The following PIK3C2A variants were observed in gnomAD, a reference collection of about 807,000 sequenced individuals.
PIK3C2A encodes phosphatidylinositol-4-phosphate 3-kinase catalytic subunit type 2 alpha.
Under a neutral mutation model 204.5 loss-of-function variants are expected in PIK3C2A, and 97 were observed. The observed-to-expected ratio is 0.47, with a 90% CI of 0.40 to 0.56. The LOEUF (loss-of-function observed/expected upper bound fraction) is 0.56. PIK3C2A is among the 20% of genes least tolerant of loss of function. The pLI is 0.00. For missense variants in PIK3C2A, 1,735 were observed against 1,969.2 expected (o/e 0.88, Z 2.25); for synonymous variants, 653 against 664.4 (o/e 0.98, Z 0.26).
chr11:17,132,044 A>C lies in PIK3C2A; in HGVS notation c.2109-6T>G. 1 of 1,482,342 alleles carries C rather than the reference A, an allele frequency of 6.7e-7. No homozygotes were observed. Among genetic ancestry groups the C allele is most frequent in the Non-Finnish European group, 9.2e-7 (1 of 1,085,726 alleles). The allele number at this position is 1,482,342 out of a possible 1,614,324, so 91.8% of individuals were successfully genotyped here. On this transcript the variant is annotated splice_polypyrimidine_tract_variant and splice_region_variant and intron_variant, in intron 11 of 32. Coordinates refer to ENST00000691414, the MANE Select transcript of PIK3C2A (RefSeq NM_002645.4). ...TCAAGTAGTATTTTTCATAACTGAG[A>C]AAAGAAAGTTTAACTTGATTTCTAT...
intron 12 of PIK3C2A, among the ~76,000 whole-genome samples, chr11:17,131,709 C>T (rs950860733): frequency 3.0e-4 from 45 of 152,162 alleles, no homozygotes; most frequent in African/African-American, 9.9e-4. Context: ...GTGTGAGCCA[C>T]TGCGCCCGGT....
At chr11:17,148,977 T>A (rs1398311644) in intron 4 of PIK3C2A, among the ~76,000 whole-genome samples, 190 bp from the exon 5 acceptor site, 1 of 152,196 alleles carries the variant, frequency 6.6e-6, no homozygotes, top group Non-Finnish European at 1.5e-5. Flanking sequence ...AAGCTAATTT[T>A]AATAATATGT....
At chr11:17,131,187 T>C (rs1224962658) in intron 12 of PIK3C2A, among the ~76,000 whole-genome samples, 2 of 152,130 alleles carry the variant, frequency 1.3e-5, no homozygotes, top group Non-Finnish European at 2.9e-5. Flanking sequence ...AAACTCCGCC[T>C]CAAAAAAGTA....
chr11:17,163,453 T>A (rs181546361), intron 2 of PIK3C2A, among the ~76,000 whole-genome samples: 7 of 152,122 alleles, frequency 4.6e-5, no homozygotes, highest in African/African-American at 1.4e-4. Context: ...TTGGCTGGAG[T>A]ACAAGGGCCT....
At chr11:17,204,468 CG>C (rs1852495789) in intron 1 of PIK3C2A, 1 of 152,134 alleles carries the variant, frequency 6.6e-6, no homozygotes, top group Admixed American at 6.6e-5. Context: ...AACCTGATCA[CG>C]TTTATCCATC....
At chr11:17,203,897 CCTGTCT>C (rs1370588172) in intron 1 of PIK3C2A, among the ~76,000 whole-genome samples, 1 of 152,094 alleles carries the variant, frequency 6.6e-6, no homozygotes, top group Non-Finnish European at 1.5e-5. Flanking sequence ...ACCGTGAAAC[CCTGTCT>C]CTACTAAAAT....
At chr11:17,106,567 T>C (rs1848827218) in intron 22 of PIK3C2A, among the ~76,000 whole-genome samples, 1 of 152,170 alleles carries the variant, frequency 6.6e-6, no homozygotes, top group Non-Finnish European at 1.5e-5. Flanking sequence ...CTAGCTGAGA[T>C]CACAGATGCC....
chr11:17,201,741 T>A (rs1852392414), intron 1 of PIK3C2A, among the ~76,000 whole-genome samples: 1 of 152,154 alleles, frequency 6.6e-6, no homozygotes, highest in Non-Finnish European at 1.5e-5. Flanking sequence ...CTTATCTATT[T>A]TCCATTTGAC....
At chr11:17,161,467 C>A (rs1850773432) in intron 2 of PIK3C2A, among the ~76,000 whole-genome samples, 1 of 152,106 alleles carries the variant, frequency 6.6e-6, no homozygotes, top group African/African-American at 2.4e-5. Context: ...CTTTGCAAAG[C>A]CACCTCTATG....
Position 17,169,351 on chromosome 11 carries a change from G to C in PIK3C2A, c.391C>G (p.Leu131Val), listed in dbSNP as rs1851081826. 2 of 1,613,822 alleles carry C rather than the reference G, an allele frequency of 1.2e-6. No homozygotes were observed. The highest frequency in any genetic ancestry group is 1.3e-5 in the African/African-American group (1 of 74,906). Residue 131 changes from leucine (L) to valine (V), a missense_variant, in exon 2 of 33, where the codon CTC (leucine) becomes GTC (valine). This residue lies in a region of PIK3C2A where 536 missense variants were observed against 546.7 expected (regional missense o/e 0.98). Coordinates refer to ENST00000691414, the MANE Select transcript of PIK3C2A (RefSeq NM_002645.4). The stretch of plus-strand genomic sequence containing the variant: ...CTCTGAATAGTAGGTCTAAAATAGA[G>C]CTGTGCTGAAAAGGAAGGGCTCAGA... ...PILSPSFSAQ[L>V]YFRPTIQRGQ... is the part of the protein sequence containing the mutation.
intron 2 of PIK3C2A, among the ~76,000 whole-genome samples, chr11:17,159,922 C>T (rs181755697): frequency 1.4e-4 from 21 of 152,232 alleles, no homozygotes; most frequent in Admixed American, 1.2e-3. Flanking sequence ...GAGGAGTTTC[C>T]CCCTTACTTT....
At chr11:17,125,530 T>C (rs981639181) in intron 13 of PIK3C2A, among the ~76,000 whole-genome samples, 9 of 152,136 alleles carry the variant, frequency 5.9e-5, no homozygotes, top group Non-Finnish European at 1.0e-4. Flanking sequence ...CTGTTTTTTT[T>C]TGAGATGGAG....
chr11:17,143,715 T>A (rs142696292), intron 8 of PIK3C2A, among the ~76,000 whole-genome samples: 1 of 150,782 alleles, frequency 6.6e-6, no homozygotes, highest in African/African-American at 2.4e-5. Context: ...GGCGAGTGGA[T>A]CACTTGAGGT....
intron 8 of PIK3C2A, 116 bp from the exon 9 acceptor site, chr11:17,136,741 T>C (rs1012643596): frequency 7.5e-6 from 4 of 533,542 alleles, no homozygotes; most frequent in African/African-American, 3.9e-5. Flanking sequence ...CTCTACTCTT[T>C]TGTGATGACA....
chr11:17,202,259 GA>G (rs551023337), intron 1 of PIK3C2A, among the ~76,000 whole-genome samples: 133 of 92,824 alleles, frequency 1.4e-3, no homozygotes, highest in South Asian at 5.9e-3. Context: ...TTCATCTCCA[GA>G]AAAAAAAAAA....
intron 13 of PIK3C2A, among the ~76,000 whole-genome samples, chr11:17,126,062 T>C (rs1849511616): frequency 6.6e-6 from 1 of 152,050 alleles, no homozygotes; most frequent in African/African-American, 2.4e-5. Context: ...AGGCAGAGGT[T>C]GCAGTGAGCC....
chr11:17,135,865 T>C (rs1849856411), intron 9 of PIK3C2A, among the ~76,000 whole-genome samples: 1 of 152,200 alleles, frequency 6.6e-6, no homozygotes, highest in Admixed American at 6.5e-5. Context: ...AACTTTTCTA[T>C]CCTTTATATT....
intron 24 of PIK3C2A, among the ~76,000 whole-genome samples, chr11:17,101,789 G>T (rs905937137): frequency 3.3e-5 from 5 of 151,616 alleles, no homozygotes; most frequent in African/African-American, 9.7e-5. Flanking sequence ...ATTTTTAGTA[G>T]AGGCGGGGTT....
chr11:17,158,667 A>T (rs1272369835), intron 2 of PIK3C2A, among the ~76,000 whole-genome samples: 2 of 152,150 alleles, frequency 1.3e-5, no homozygotes, highest in Non-Finnish European at 2.9e-5. Context: ...CCTTTGTGGG[A>T]GCAGTGCTGG....
Sources: allele counts gnomAD v4.1 joint callset (sites outside exome capture counted in the v4.1 genomes callset), GRCh38; gene constraint gnomAD v4.1.1; regional missense constraint gnomAD v4.1.1; transcripts MANE v1.5; gene names NCBI Gene and HGNC (gene_info 2026-07-23, HGNC 2026-07-21).